Variants in GALNT8 observed in about 807,000 individuals in gnomAD.
The protein encoded by GALNT8 is probable polypeptide N-acetylgalactosaminyltransferase 8.
Under a neutral mutation model 62.7 loss-of-function variants are expected in GALNT8, and 66 were observed. The ratio of observed to expected loss-of-function variants is 1.05; its 90% confidence interval spans 0.86 to 1.29. GALNT8 has a LOEUF of 1.29. Ranked by LOEUF, GALNT8 falls within the 50% of genes most tolerant of loss-of-function variation. GALNT8 has a pLI of 0.00. For synonymous variants in GALNT8, 288 were observed against 294.3 expected (o/e 0.98, Z 0.22); for missense variants, 771 against 791.8 (o/e 0.97, Z 0.32).
At chr12:4,755,658 A>G (rs1257445717) in intron 6 of GALNT8, among the ~76,000 whole-genome samples, 1 of 152,176 alleles carries the variant, frequency 6.6e-6, no homozygotes, top group East Asian at 1.9e-4. Flanking sequence ...GGAGCCTTCT[A>G]GTCAACCATC....
chr12:4,729,761 G>A (rs1026539401), intron 2 of GALNT8, among the ~76,000 whole-genome samples: 3 of 152,144 alleles, frequency 2.0e-5, no homozygotes, highest in African/African-American at 7.2e-5. Flanking sequence ...AGGATTGCTA[G>A]ATCATACAGT....
intron 6 of GALNT8, among the ~76,000 whole-genome samples, chr12:4,748,550 T>C (rs1946310026): frequency 6.6e-6 from 1 of 152,174 alleles, no homozygotes; most frequent in Non-Finnish European, 1.5e-5. Flanking sequence ...GGTTTGTTTC[T>C]GGGTTCTTTA....
At position 4,763,371 on chromosome 12, in the gene GALNT8, C is replaced by T; in HGVS notation, c.1478C>T (p.Thr493Ile). ...TATCCACTCTTGAAGCCACTCCACA[C>T]CATCGTGGGCTATGGAAGAGTATGT... ...NVYPLLKPLHTIVGYGRMKNL... is the reference protein window; with the variant it reads ...NVYPLLKPLHIIVGYGRMKNL... The change falls in exon 8 of 11, where the codon ACC becomes ATC. Residue 493 changes from threonine to isoleucine, a missense_variant. By Grantham distance (89) the Thr-to-Ile change is moderately conservative. Transcript: ENST00000252318. 2 of 1,612,638 alleles carry T rather than the reference C, an allele frequency of 1.2e-6. No homozygotes were observed. Among genetic ancestry groups the T allele is most frequent in the Non-Finnish European group, 1.7e-6 (2 of 1,178,722 alleles).
intron 2 of GALNT8, among the ~76,000 whole-genome samples, chr12:4,728,166 T>C (rs1397691580): frequency 6.6e-6 from 1 of 151,988 alleles, no homozygotes; most frequent in Non-Finnish European, 1.5e-5. Flanking sequence ...TATGTCTTCT[T>C]TGGAGAAATG....
intron 6 of GALNT8, among the ~76,000 whole-genome samples, chr12:4,756,506 C>T (rs1008218705): frequency 2.0e-5 from 3 of 152,178 alleles, no homozygotes; most frequent in African/African-American, 7.2e-5. Flanking sequence ...GTAACAAACA[C>T]TGACCCTGAG....
intron 3 of GALNT8, among the ~76,000 whole-genome samples, 160 bp downstream of exon 3, chr12:4,739,489 A>T (rs1800830926): frequency 6.6e-6 from 1 of 152,152 alleles, no homozygotes; most frequent in Non-Finnish European, 1.5e-5. Context: ...AGCCACATTT[A>T]ATCTTCACAA....
intron 3 of GALNT8, among the ~76,000 whole-genome samples, chr12:4,739,598 G>T (rs1946262093): frequency 6.6e-6 from 1 of 151,982 alleles, no homozygotes; most frequent in Non-Finnish European, 1.5e-5. Context: ...CAGTGGCAGA[G>T]GTGGGAGTTA....
intron 6 of GALNT8, among the ~76,000 whole-genome samples, chr12:4,753,133 C>T (rs1318746976): frequency 6.6e-6 from 1 of 152,086 alleles, no homozygotes; most frequent in Non-Finnish European, 1.5e-5. Context: ...TATTAAATGC[C>T]TTGAGGTAGT....
chr12:4,744,665 C>T lies in GALNT8; in HGVS notation c.825C>T (p.Ala275=), dbSNP rs1429897389. The T allele has an allele frequency of 6.2e-7, 1 of 1,612,968 alleles. No homozygotes were observed. Among genetic ancestry groups the T allele is most frequent in the Non-Finnish European group, 8.5e-7 (1 of 1,179,636 alleles). Residue 275 remains alanine, a synonymous_variant, in exon 4 of 11, where the codon GCC becomes GCT. Transcript: ENST00000252318. ...AAGCTGCCACAGCAGACGTGGTCGC[C>T]ATCTTGGATGCTCACATTGAAGTCA... ...GWEAATADVV[A]ILDAHIEVNV...
chr12:4,732,224 G>A (rs1172841326), intron 2 of GALNT8, among the ~76,000 whole-genome samples: 3 of 152,198 alleles, frequency 2.0e-5, no homozygotes, highest in African/African-American at 7.2e-5. Context: ...GTAGTTTCAG[G>A]CAAAATTGTG....
At chr12:4,727,151 T>TG (rs1230140539) in intron 2 of GALNT8, among the ~76,000 whole-genome samples, 2 of 152,236 alleles carry the variant, frequency 1.3e-5, no homozygotes, top group East Asian at 3.9e-4. Flanking sequence ...AGAAGGGACT[T>TG]GCGCAAGTCA....
intron 6 of GALNT8, among the ~76,000 whole-genome samples, chr12:4,759,581 T>C (rs1392457094): frequency 2.0e-5 from 3 of 150,950 alleles, no homozygotes; most frequent in African/African-American, 7.3e-5. Flanking sequence ...TTCTGGCAAA[T>C]AGGGTGCAAA....
chr12:4,746,253 C>T lies in GALNT8; in HGVS notation c.1168C>T (p.Leu390=). 2 of 1,557,854 alleles carry T rather than the reference C, an allele frequency of 1.3e-6. No homozygotes were observed. The highest frequency in any genetic ancestry group is 1.8e-6 in the Non-Finnish European group (2 of 1,128,670). ...IYGGENVELS[L]RVWQCGGKVE... Reference sequence around the variant, plus strand: ...TGGAGGAGAGAACGTGGAGCTTAGCCTGAGGGTGGGTACATTTCCCTTTTC... The same window carrying T: ...TGGAGGAGAGAACGTGGAGCTTAGCTTGAGGGTGGGTACATTTCCCTTTTC... Residue 390 remains leucine (L), a synonymous_variant, in exon 6 of 11, where the codon CTG becomes TTG. Transcript: ENST00000252318.
At position 4,744,328 on chromosome 12, in the gene GALNT8, A is replaced by G. The variant is rs55900902; in HGVS notation, c.677-189A>G. Among the ~76,000 whole-genome samples the G allele has an allele frequency of 7.5e-4, 115 of 152,352 alleles. 1 individual carries two copies. The highest frequency in any genetic ancestry group is 2.6e-3 in the African/African-American group (109 of 41,580). On this transcript the variant is annotated intron_variant, in intron 3 of 10. Coordinates refer to ENST00000252318, the MANE Select transcript of GALNT8 (RefSeq NM_017417.2). ...GGGAAAGGACATTAGGAATGATCAC[A>G]GTACACCTCAGGTGCAAGGGAGAAG...
At chr12:4,739,367 C>T (rs773563649) in intron 3 of GALNT8, 38 bp downstream of exon 3, 2 of 1,547,666 alleles carry the variant, frequency 1.3e-6, no homozygotes, top group African/African-American at 1.4e-5. Context: ...TAAAAATGAC[C>T]ACTTATCATC....
At chr12:4,739,867 C>T (rs1345674952) in intron 3 of GALNT8, among the ~76,000 whole-genome samples, 1 of 151,950 alleles carries the variant, frequency 6.6e-6, no homozygotes, top group East Asian at 1.9e-4. Context: ...CGAGATTTCA[C>T]CATGTTAGCC....
chr12:4,763,134 C>T, intron 7 of GALNT8, 119 bp from the exon 8 acceptor site: 1 of 766,608 alleles, frequency 1.3e-6, no homozygotes, highest in Non-Finnish European at 2.2e-6. Context: ...AGTTGGGTTG[C>T]AGTCCGTCCA....
At chr12:4,755,807 C>T (rs1340087565) in intron 6 of GALNT8, among the ~76,000 whole-genome samples, 3 of 152,196 alleles carry the variant, frequency 2.0e-5, no homozygotes, top group African/African-American at 2.4e-5. Context: ...AAAAATGTCA[C>T]GCAATAAATC....
At position 4,772,697 on chromosome 12, in the gene GALNT8, T is replaced by C; in HGVS notation, c.*100T>C. ...CTTTCTCAATGAGAAAGAAAGCATG[T>C]GTATGTCTGTTTATGGCGACTTCAG... On this transcript the variant is annotated 3_prime_UTR_variant, in exon 11 of 11. Transcript: ENST00000252318. 2 of 956,588 alleles carry C rather than the reference T, an allele frequency of 2.1e-6. No homozygotes were observed. The highest frequency in any genetic ancestry group is 1.6e-6 in the Non-Finnish European group (1 of 628,926). 59.3% of individuals were successfully genotyped at this position (956,588 alleles called of 1,614,324 possible). A position where few individuals can be genotyped will look rare whatever the true frequency, so the allele number is the denominator to read the frequency against.
Sources: gnomAD v4.1 joint callset for allele counts (sites outside exome capture counted in the v4.1 genomes callset) on GRCh38, gnomAD v4.1.1 for gene constraint, MANE v1.5 for transcripts, NCBI Gene and HGNC (gene_info 2026-07-23, HGNC 2026-07-21) for gene names.